The following RCC1L variants were observed in gnomAD, a reference collection of about 807,000 sequenced individuals.
RCC1L encodes the protein RCC1-like G exchanging factor-like protein.
Under a neutral mutation model 58.6 loss-of-function variants are expected in RCC1L, and 46 were observed. The observed-to-expected ratio is 0.79, with a 90% CI of 0.62 to 1.00. RCC1L has a LOEUF of 1.00. Ranked by LOEUF, RCC1L falls within the 50% of genes least tolerant of loss-of-function variation. The pLI, the probability that RCC1L is intolerant of heterozygous loss-of-function variation, is 0.00. For missense variants in RCC1L, 636 were observed against 623.6 expected, an observed-to-expected ratio of 1.02 and a Z score of -0.21; for synonymous variants, 281 against 262.9, an observed-to-expected ratio of 1.07 and a Z score of -0.67.
intron 8 of RCC1L, chr7:75,056,546 G>A: frequency 3.9e-6 from 6 of 1,528,110 alleles, no homozygotes; most frequent in Non-Finnish European, 5.2e-6. Context: ...TTCATCAGTG[G>A]TGCCAGATAT....
At chr7:75,070,549 AACAGACTGAG>A (rs1554445892) in intron 2 of RCC1L, 81 bp downstream of exon 2, 1 of 1,519,614 alleles carries the variant, frequency 6.6e-7, no homozygotes, top group Non-Finnish European at 8.8e-7. Flanking sequence ...CTAGCCTGGC[AACAGACTGAG>A]ACTCTGTCTC....
chr7:75,042,387 G>GA lies in RCC1L; in HGVS notation c.*644dup. On this transcript the variant is annotated 3_prime_UTR_variant, in exon 11 of 11. Transcript: ENST00000610322. ...GGAACTTGGCCTCGATTCTCTTCCTGAGGGGCTTCTTAACTTTTCCAAGCC... is the reference window on the plus strand; with the variant it reads ...GGAACTTGGCCTCGATTCTCTTCCTGAAGGGGCTTCTTAACTTTTCCAAGCC... The GA allele has an allele frequency of 1.0e-6, 1 of 986,014 alleles. No homozygotes were observed. Among genetic ancestry groups the GA allele is most frequent in the Non-Finnish European group, 1.2e-6 (1 of 830,350 alleles). The allele number at this position is 986,014 out of a possible 1,614,324, so 61.1% of individuals were successfully genotyped here.
At chr7:75,049,423 G>C (rs1805839688) in intron 10 of RCC1L, among the ~76,000 whole-genome samples, 1 of 151,996 alleles carries the variant, frequency 6.6e-6, no homozygotes, top group African/African-American at 2.4e-5. Flanking sequence ...CTATTCCAGA[G>C]GCTGAAGCAA....
Position 75,055,988 on chromosome 7 carries a change from G to T in RCC1L, c.1144C>A (p.Pro382Thr). 1 of 1,613,950 alleles carries T rather than the reference G, an allele frequency of 6.2e-7. No individual in the cohort carries two copies. Among genetic ancestry groups the T allele is most frequent in the Non-Finnish European group, 8.5e-7 (1 of 1,179,872 alleles). Residue 382 changes from proline (P) to threonine (T), a missense_variant, in exon 9 of 11, where the codon CCC becomes ACC. Coordinates refer to ENST00000610322, the MANE Select transcript of RCC1L (RefSeq NM_030798.5). ...AACTCCGTCAAGCCAAAGAGAGTGG[G>T]TGGAATCATTTCAGGGACGGCACTT... is the stretch of plus-strand genomic sequence containing the variant. ...VESAVPEMIP[P>T]TLFGLTEFNP... is the part of the protein sequence containing the mutation.
At chr7:75,043,163 C>A in intron 10 of RCC1L, 54 bp from the exon 11 acceptor site, 1 of 1,607,154 alleles carries the variant, frequency 6.2e-7, no homozygotes, top group African/African-American at 1.3e-5. Context: ...CCGGAGGAGA[C>A]AGGCGCTGGT....
intron 6 of RCC1L, 40 bp downstream of exon 6, chr7:75,061,167 T>A: frequency 1.9e-6 from 3 of 1,544,772 alleles, no homozygotes; most frequent in Non-Finnish European, 2.7e-6. Flanking sequence ...TGACACGGGC[T>A]GAGAAGTTTC....
intron 3 of RCC1L, among the ~76,000 whole-genome samples, chr7:75,066,367 T>G (rs1397405846): frequency 1.3e-5 from 2 of 151,908 alleles, no homozygotes; most frequent in East Asian, 3.9e-4. Flanking sequence ...GGCAGGAGAA[T>G]GGCGTGAACC....
exon 11 of RCC1L, chr7:75,027,941 C>G: frequency 2.9e-6 from 4 of 1,385,932 alleles, no homozygotes; most frequent in Non-Finnish European, 4.0e-6. Flanking sequence ...GGCCCCAGAC[C>G]CCACTTGGAG....
chr7:75,065,234 TCTC>T (rs1331893921), intron 3 of RCC1L, among the ~76,000 whole-genome samples: 2 of 151,906 alleles, frequency 1.3e-5, no homozygotes, highest in African/African-American at 4.8e-5. Context: ...ACCTCCGCCT[TCTC>T]CTACAGAGCA....
intron 10 of RCC1L, among the ~76,000 whole-genome samples, chr7:75,046,045 C>A (rs1805710222): frequency 1.7e-4 from 26 of 152,228 alleles, no homozygotes; most frequent in Non-Finnish European, 3.8e-4. Context: ...TGGCCTGGCC[C>A]TAAAAGCCGA....
intron 10 of RCC1L, among the ~76,000 whole-genome samples, chr7:75,045,601 C>T (rs112964572): frequency 6.6e-6 from 1 of 151,504 alleles, no homozygotes; most frequent in Non-Finnish European, 1.5e-5. Context: ...CTGCAACCTC[C>T]GACTCCCTGG....
chr7:75,054,713 C>T (rs939656339), intron 9 of RCC1L, among the ~76,000 whole-genome samples: 24 of 152,190 alleles, frequency 1.6e-4, no homozygotes, highest in African/African-American at 5.1e-4. Context: ...ACTCGGGAGG[C>T]GGAGGTTGCA....
Position 75,066,880 on chromosome 7 carries a change from AAG to A in RCC1L, c.455-90_455-89del, listed in dbSNP as rs61695350. 4,858 of 1,470,960 alleles carry A rather than the reference AAG, an allele frequency of 3.3e-3. 120 individuals are homozygous for A. In the African/African-American group the frequency reaches 0.055, roughly 17 times the overall value. The allele number at this position is 1,470,960 out of a possible 1,614,324, so 91.1% of individuals were successfully genotyped here. ...AACTCCACGCTACTACACTGGAAAA[AAG>A]AGAGTCGGAGGTAGGAAAGACTCAT... On this transcript the variant is annotated intron_variant, in intron 2 of 10. Coordinates refer to ENST00000610322, the MANE Select transcript of RCC1L (RefSeq NM_030798.5).
Position 75,062,209 on chromosome 7 carries a change from A to G in RCC1L, c.703-918T>C, listed in dbSNP as rs1257230396. Among the ~76,000 whole-genome samples the G allele has an allele frequency of 7.9e-5, 12 of 152,006 alleles. No individual in the cohort carries two copies. In the Admixed American group the frequency reaches 7.9e-4, roughly 10 times the overall value. On this transcript the variant is annotated intron_variant, in intron 5 of 10. Coordinates refer to ENST00000610322, the MANE Select transcript of RCC1L (RefSeq NM_030798.5). ...CTTGGAGATGTCTGGTAACTTGCAC[A>G]AAGTCACTCAGTCTAATAGGTGAAG...
downstream of RCC1L, among the ~76,000 whole-genome samples, chr7:75,038,306 C>G (rs1805472725): frequency 6.6e-6 from 1 of 152,198 alleles, no homozygotes; most frequent in Non-Finnish European, 1.5e-5. Flanking sequence ...GACTGGAGTA[C>G]AGTGGTGCAA....
intron 5 of RCC1L, 71 bp downstream of exon 5, chr7:75,063,221 C>T (rs1337065146): frequency 6.4e-7 from 1 of 1,561,024 alleles, no homozygotes; most frequent in African/African-American, 1.4e-5. Context: ...TTGCCATCAC[C>T]CTACCCAAAT....
chr7:75,066,521 C>A, intron 3 of RCC1L, 143 bp downstream of exon 3: 1 of 1,018,846 alleles, frequency 9.8e-7, no homozygotes, highest in Non-Finnish European at 1.4e-6. Flanking sequence ...CTTGAGCAAT[C>A]CCACTGATCT....
rs1447234395 is a variant in RCC1L at position 75,072,155 on chromosome 7, CATATACATATAT to C, written c.324+1247_324+1258del. On this transcript the variant is annotated intron_variant, in intron 1 of 10. Transcript: ENST00000610322. ...TTTTAAATTTATACATATACATATA[CATATACATATAT>C]ATATATATATATATATATATATATG... 7.0e-3 allele frequency among the ~76,000 whole-genome samples: 338 copies of C among 48,136 alleles called. 17 individuals carry two copies. The highest frequency in any genetic ancestry group is 0.018 in the East Asian group (15 of 844). 31.6% of individuals were successfully genotyped at this position (48,136 alleles called of 152,430 possible).
chr7:75,065,137 T>C (rs1806422485), intron 3 of RCC1L, among the ~76,000 whole-genome samples: 1 of 151,970 alleles, frequency 6.6e-6, no homozygotes, highest in Non-Finnish European at 1.5e-5. Flanking sequence ...GTGTGTGATC[T>C]TTCCCATCTT....
Sources: allele counts gnomAD v4.1 joint callset (sites outside exome capture counted in the v4.1 genomes callset), GRCh38; gene constraint gnomAD v4.1.1; transcripts MANE v1.5; gene names NCBI Gene and HGNC (gene_info 2026-07-23, HGNC 2026-07-21).